PRH1: variants seen among roughly 807,000 people sequenced by gnomAD.
The protein encoded by PRH1 is proline rich protein HaeIII subfamily 1, also known as salivary acidic proline-rich phosphoprotein 1/2.
A neutral mutation model predicts 7.9 loss-of-function variants in PRH1; 7 were observed. The ratio of observed to expected loss-of-function variants is 0.89; its 90% CI spans 0.50 to 1.67. The LOEUF (loss-of-function observed/expected upper bound fraction) is 1.67, where lower values mean the gene tolerates loss of function less well. PRH1 is among the 40% of genes most tolerant of loss of function. PRH1 has a pLI of 0.00. For synonymous variants in PRH1, 45 were observed against 80.8 expected, an observed-to-expected ratio of 0.56 and a Z score of 2.38; for missense variants, 109 against 223.6, an observed-to-expected ratio of 0.49 and a Z score of 3.27.
intron 1 of PRH1, among the ~76,000 whole-genome samples, chr12:11,149,354 T>C (rs1035673098): frequency 5.3e-5 from 8 of 152,184 alleles, no homozygotes; most frequent in Non-Finnish European, 1.2e-4. Flanking sequence ...GCTCTTGCTT[T>C]CGCCAAGTCA....
chr12:11,057,968 C>T (rs78028591), intron 1 of PRH1, among the ~76,000 whole-genome samples: 1 of 135,846 alleles, frequency 7.4e-6, no homozygotes, highest in African/African-American at 2.6e-5. Flanking sequence ...AATATTACAG[C>T]CCGGGCCCTG....
At position 10,990,287 on chromosome 12, in the gene PRH1, G is replaced by A. The variant is rs557248620; in HGVS notation, c.-125-16566C>T. Among the ~76,000 whole-genome samples, 21 of 152,270 alleles carry A rather than the reference G, an allele frequency of 1.4e-4. No homozygotes were observed. In the South Asian group the frequency reaches 3.9e-3, roughly 29 times the overall value. ...CATTTGCAGAAAAATGAAACTAGATGCCTATTTATCACCATATACAAAGAT... is the reference window on the plus strand; with the variant it reads ...CATTTGCAGAAAAATGAAACTAGATACCTATTTATCACCATATACAAAGAT... On this transcript the variant is annotated intron_variant, in intron 1 of 3. Coordinates refer to the PRH1 transcript ENST00000539853.
At chr12:11,079,531 A>G (rs73062962) in intron 1 of PRH1, among the ~76,000 whole-genome samples, 1 of 82,770 alleles carries the variant, frequency 1.2e-5, no homozygotes, top group Non-Finnish European at 2.9e-5. Flanking sequence ...ATTCAAAGAC[A>G]TATGAGACAC....
At chr12:11,089,616 A>C (rs1257453600) in intron 1 of PRH1, among the ~76,000 whole-genome samples, 1 of 110,540 alleles carries the variant, frequency 9.0e-6, no homozygotes. Context: ...TAGCACTTTA[A>C]TAACAGGTAT....
chr12:11,125,094 C>T lies in PRH1; in HGVS notation n.40-3914G>A, dbSNP rs2599413. On this transcript the variant is annotated intron_variant and non_coding_transcript_variant, in intron 1 of 1. Coordinates refer to the PRH1 transcript ENST00000541175. ...CTGACCTCAGGTGATCCACCAGCCT[C>T]GGTCTCCCAGAGTGCTGGGATTACA... Among the ~76,000 whole-genome samples, 655 of 151,074 alleles carry T rather than the reference C, an allele frequency of 4.3e-3. 5 individuals carry two copies. Among genetic ancestry groups the T allele is most frequent in the African/African-American group, 0.015 (633 of 41,250 alleles).
chr12:11,088,240 C>CG (rs1944774806), intron 1 of PRH1, among the ~76,000 whole-genome samples: 1 of 126,108 alleles, frequency 7.9e-6, no homozygotes, highest in African/African-American at 2.8e-5. Flanking sequence ...GCTAGCAATG[C>CG]AGAGGTGGGG....
intron 2 of PRH1, chr12:10,908,608 A>C: frequency 6.2e-7 from 1 of 1,614,020 alleles, no homozygotes; most frequent in South Asian, 1.1e-5. Flanking sequence ...ACAATTTTCA[A>C]GGCATTTGTA....
downstream of PRH1, among the ~76,000 whole-genome samples, chr12:11,116,048 A>G (rs1945722852): frequency 6.6e-6 from 1 of 152,092 alleles, no homozygotes; most frequent in Admixed American, 6.6e-5. Flanking sequence ...AATAAAAATT[A>G]CAGCAGAAAT....
In PRH1 at chr12:10,961,359, C is replaced by T. The variant is rs1035895628; in HGVS notation, c.-59+12296G>A. Among the ~76,000 whole-genome samples, 38 of 150,850 alleles carry T rather than the reference C, an allele frequency of 2.5e-4. 2 individuals carry two copies. The highest frequency in any genetic ancestry group is 9.5e-4 in the African/African-American group (38 of 40,204). On this transcript the variant is annotated intron_variant, in intron 2 of 3. Transcript: ENST00000539853. ...GATAAAATCAGAAGATGGCAGCATC[C>T]CCCAAATAAACCAGGTTCATTGCTG...
chr12:10,904,926 T>A (rs765471261), intron 2 of PRH1, among the ~76,000 whole-genome samples: 21 of 151,296 alleles, frequency 1.4e-4, no homozygotes, highest in Non-Finnish European at 2.7e-4. Flanking sequence ...TTTAAAAGGC[T>A]CAACATCACT....
chr12:11,112,864 C>T (rs1168225282), intron 1 of PRH1, among the ~76,000 whole-genome samples: 4 of 152,154 alleles, frequency 2.6e-5, no homozygotes, highest in Non-Finnish European at 5.9e-5. Flanking sequence ...CAAACTGTCT[C>T]TGTTTGCAGA....
chr12:11,070,878 G>A (rs1190389598), intron 1 of PRH1, among the ~76,000 whole-genome samples: 4 of 152,004 alleles, frequency 2.6e-5, no homozygotes, highest in East Asian at 1.9e-4. Context: ...TGTCACCCAG[G>A]CTGTATCTAG....
rs772778378 is a variant in PRH1 at position 11,091,728 on chromosome 12, A to G, written n.124-44540T>C. 6.2e-6 allele frequency: 8 copies of G among 1,300,108 alleles called. 2 individuals carry two copies. In the East Asian group the frequency reaches 6.9e-5, roughly 11 times the overall value. 80.5% of individuals were successfully genotyped at this position (1,300,108 alleles called of 1,614,324 possible). On this transcript the variant is annotated intron_variant and non_coding_transcript_variant, in intron 1 of 4. Coordinates refer to the PRH1 transcript ENST00000541977. The stretch of plus-strand genomic sequence containing the variant: ...TTTGAAAAGTACATTGCACTCTTCA[A>G]TTTGATCTTCCAAGTCATGTTTCCT...
intron 1 of PRH1, chr12:11,022,150 A>C: frequency 1.9e-6 from 3 of 1,613,978 alleles, no homozygotes; most frequent in Non-Finnish European, 2.5e-6. Context: ...AAGATTACAA[A>C]TCAGAAATAC....
intron 2 of PRH1, among the ~76,000 whole-genome samples, chr12:10,901,371 G>A (rs949130056): frequency 1.3e-5 from 2 of 152,122 alleles, no homozygotes; most frequent in Non-Finnish European, 2.9e-5. Context: ...AAAGAACTTG[G>A]AGCCGAGGGG....
chr12:11,120,907 C>A (rs1389039309), exon 2 of PRH1: 1 of 153,620 alleles, frequency 6.5e-6, no homozygotes, highest in Non-Finnish European at 1.5e-5. Flanking sequence ...TTGGCAACGT[C>A]CAGAGATCAT....
At chr12:11,105,205 A>G (rs1945374861) in intron 1 of PRH1, among the ~76,000 whole-genome samples, 1 of 152,072 alleles carries the variant, frequency 6.6e-6, no homozygotes, top group Admixed American at 6.6e-5. Context: ...AAAGAAAAAA[A>G]GTTGAAAAAT....
At chr12:11,088,510 G>C (rs1944783657) in intron 1 of PRH1, among the ~76,000 whole-genome samples, 2 of 106,032 alleles carry the variant, frequency 1.9e-5, no homozygotes, top group South Asian at 5.1e-4. Flanking sequence ...ATGTTTTAAA[G>C]CATTCAGTGT....
intron 1 of PRH1, among the ~76,000 whole-genome samples, chr12:11,168,268 GAAAGAAAGAAAGAAAGAAAGAAA>G: frequency 1.5e-4 from 5 of 33,116 alleles, no homozygotes; most frequent in African/African-American, 4.2e-4. Context: ...AAGAAAGAAA[GAAAGAAAGAAAGAAAGAAAGAAA>G]GAAAGAAAGA....
Sources: allele counts gnomAD v4.1 joint callset (sites outside exome capture counted in the v4.1 genomes callset), GRCh38; gene constraint gnomAD v4.1.1; transcripts MANE v1.5; gene names NCBI Gene and HGNC (gene_info 2026-07-23, HGNC 2026-07-21).